Variants in MKLN1 observed in about 807,000 individuals in gnomAD.
The protein encoded by MKLN1 is muskelin 1.
Under a neutral mutation model 99.0 loss-of-function variants are expected in MKLN1, and 18 were observed. The ratio of observed to expected loss-of-function variants is 0.18; its 90% CI spans 0.13 to 0.27. The LOEUF (loss-of-function observed/expected upper bound fraction) is 0.27, where lower values mean the gene tolerates loss of function less well. Ranked by LOEUF, MKLN1 falls within the 10% of genes least tolerant of loss-of-function variation. MKLN1 has a pLI of 1.00. For synonymous variants in MKLN1, 288 were observed against 293.2 expected (o/e 0.98, Z 0.18); for missense variants, 621 against 875.9 (o/e 0.71, Z 3.67).
At chr7:131,253,783 A>G (rs1797616983) in intron 3 of MKLN1, among the ~76,000 whole-genome samples, 1 of 152,230 alleles carries the variant, frequency 6.6e-6, no homozygotes. Context: ...AGTTCAAGCT[A>G]CAGAGAGTTC....
chr7:131,263,388 G>A (rs911284341), intron 3 of MKLN1, among the ~76,000 whole-genome samples: 1 of 97,166 alleles, frequency 1.0e-5, no homozygotes, highest in Non-Finnish European at 2.5e-5. Flanking sequence ...AGCTGGGTGT[G>A]GTGGCATATG....
At chr7:131,378,779 G>A (rs1005135670) in intron 2 of MKLN1, among the ~76,000 whole-genome samples, 10 of 151,980 alleles carry the variant, frequency 6.6e-5, no homozygotes, top group Admixed American at 1.3e-4. Flanking sequence ...GCAGTGAGTC[G>A]AGATCATGCC....
chr7:131,123,830 G>C (rs1223248851), intron 1 of MKLN1, among the ~76,000 whole-genome samples: 1 of 152,094 alleles, frequency 6.6e-6, no homozygotes, highest in East Asian at 1.9e-4. Flanking sequence ...ACAGTACTGG[G>C]TATTATGGAG....
At chr7:131,284,742 G>A (rs1472163894) in intron 3 of MKLN1, among the ~76,000 whole-genome samples, 1 of 152,196 alleles carries the variant, frequency 6.6e-6, no homozygotes, top group African/African-American at 2.4e-5. Context: ...GGTCGCTTAG[G>A]GCAAGGTGCC....
chr7:131,295,469 A>G (rs1227444962), intron 3 of MKLN1, among the ~76,000 whole-genome samples: 1 of 152,330 alleles, frequency 6.6e-6, no homozygotes, highest in East Asian at 1.9e-4. Context: ...GACACAGTAG[A>G]AAAAGTTGCA....
In MKLN1 at chr7:131,491,003, A is replaced by G. The variant is rs922987303; in HGVS notation, c.*3275A>G. On this transcript the variant is annotated 3_prime_UTR_variant, in exon 18 of 18. Coordinates refer to ENST00000352689, the MANE Select transcript of MKLN1 (RefSeq NM_013255.5). ...TGTTCCTGATTTTATTCTCTAAATT[A>G]TACTCAATTTCATGGTAATTACATG... 4 of 152,206 alleles carry G rather than the reference A, an allele frequency of 2.6e-5. No homozygotes were observed. The highest frequency in any genetic ancestry group is 4.4e-5 in the Non-Finnish European group (3 of 68,024). The allele number at this position is 152,206 out of a possible 1,614,324, so 9.4% of individuals were successfully genotyped here.
At chr7:131,308,388 A>G (rs558054765) in intron 3 of MKLN1, among the ~76,000 whole-genome samples, 25 of 151,682 alleles carry the variant, frequency 1.6e-4, no homozygotes, top group South Asian at 1.0e-3. Context: ...CAGCCTCCCA[A>G]GTGGCTGGGA....
At chr7:131,121,733 G>A (rs1795376235) in intron 1 of MKLN1, among the ~76,000 whole-genome samples, 1 of 151,468 alleles carries the variant, frequency 6.6e-6, no homozygotes, top group Admixed American at 6.6e-5. Context: ...ATCACACAGG[G>A]GAAGATCAAA....
intron 17 of MKLN1, among the ~76,000 whole-genome samples, chr7:131,480,677 G>A (rs1323543945): frequency 6.6e-6 from 1 of 152,204 alleles, no homozygotes; most frequent in Non-Finnish European, 1.5e-5. Context: ...TCCCCAGTCT[G>A]TGAGCTGGAG....
chr7:131,142,755 T>C, intron 1 of MKLN1: 1 of 408,170 alleles, frequency 2.4e-6, no homozygotes, highest in Non-Finnish European at 4.6e-6. Context: ...AAAAAAGGAA[T>C]TGCAAGCAGA....
chr7:131,334,046 A>T (rs577212372), intron 1 of MKLN1, among the ~76,000 whole-genome samples: 1 of 152,344 alleles, frequency 6.6e-6, no homozygotes, highest in African/African-American at 2.4e-5. Flanking sequence ...AATGCTCCCA[A>T]TAACTTTTTT....
At chr7:131,442,558 A>G (rs1335292662) in intron 10 of MKLN1, among the ~76,000 whole-genome samples, 1 of 152,300 alleles carries the variant, frequency 6.6e-6, no homozygotes, top group Non-Finnish European at 1.5e-5. Flanking sequence ...GGAAAAAAAA[A>G]CAAATTATGA....
intron 12 of MKLN1, among the ~76,000 whole-genome samples, chr7:131,452,080 C>A (rs1054358420): frequency 3.9e-5 from 6 of 152,084 alleles, no homozygotes; most frequent in African/African-American, 1.2e-4. Context: ...CTCTGTTTTC[C>A]CACATCTGCC....
chr7:131,317,765 C>CAAAAA (rs146525048), intron 3 of MKLN1, among the ~76,000 whole-genome samples: 36 of 49,940 alleles, frequency 7.2e-4, no homozygotes, highest in Non-Finnish European at 8.2e-4. Flanking sequence ...AAATGGAAAG[C>CAAAAA]AAAAAAAAAA....
intron 3 of MKLN1, among the ~76,000 whole-genome samples, chr7:131,213,566 A>G (rs10270974): frequency 0.073 from 11,041 of 152,262 alleles, 447 homozygotes; most frequent in African/African-American, 0.093. Flanking sequence ...CCTCACCTCT[A>G]ACAGCCAAGA....
intron 3 of MKLN1, among the ~76,000 whole-genome samples, chr7:131,223,233 G>A (rs1241884148): frequency 6.6e-6 from 1 of 152,134 alleles, no homozygotes; most frequent in African/African-American, 2.4e-5. Context: ...TAGATGGTTG[G>A]CTGGAGTCAG....
intron 3 of MKLN1, among the ~76,000 whole-genome samples, chr7:131,258,381 G>GATTCTGTTGCTGGAGGAAT (rs1214232319): frequency 6.6e-6 from 1 of 152,174 alleles, no homozygotes; most frequent in Non-Finnish European, 1.5e-5. Flanking sequence ...GCTGGAGGAA[G>GATTCTGTTGCTGGAGGAAT]TGTCCTAACA....
chr7:131,292,329 C>A (rs1798232221), intron 3 of MKLN1, among the ~76,000 whole-genome samples: 1 of 152,170 alleles, frequency 6.6e-6, no homozygotes, highest in Non-Finnish European at 1.5e-5. Context: ...TTAAGAAAAA[C>A]ACTGTTGTGC....
At chr7:131,371,654 C>T (rs967574878) in intron 1 of MKLN1, among the ~76,000 whole-genome samples, 16 of 152,124 alleles carry the variant, frequency 1.1e-4, no homozygotes, top group Admixed American at 2.0e-4. Flanking sequence ...GGTTATGACA[C>T]GGCTCTCTTC....
Sources: allele counts gnomAD v4.1 joint callset (sites outside exome capture counted in the v4.1 genomes callset), GRCh38; gene constraint gnomAD v4.1.1; transcripts MANE v1.5; gene names NCBI Gene and HGNC (gene_info 2026-07-23, HGNC 2026-07-21).